The following GUCD1 variants were observed in gnomAD, a reference collection of about 807,000 sequenced individuals.
GUCD1 encodes guanylyl cyclase domain containing 1.
GUCD1 carries 17 observed loss-of-function variants against 28.3 expected under a neutral mutation model. That is an observed-to-expected ratio of 0.60 (90% CI 0.41 to 0.90). The LOEUF is 0.90. GUCD1 is among the 40% of genes least tolerant of loss of function. The pLI is 0.00. For synonymous variants in GUCD1, 129 were observed against 123.3 expected, an observed-to-expected ratio of 1.05 and a Z score of -0.30; for missense variants, 279 against 305.5, an observed-to-expected ratio of 0.91 and a Z score of 0.65.
intron 2 of GUCD1, among the ~76,000 whole-genome samples, chr22:24,548,528 G>C (rs772911130): frequency 2.0e-5 from 3 of 152,236 alleles, no homozygotes; most frequent in Non-Finnish European, 4.4e-5. Context: ...GACGGCTACA[G>C]TCCCTCTTGG....
chr22:24,543,156 A>C (rs1356670865), intron 5 of GUCD1, 59 bp from the exon 6 acceptor site: 1 of 1,207,166 alleles, frequency 8.3e-7, no homozygotes, highest in Non-Finnish European at 1.2e-6. Flanking sequence ...CACCTACACC[A>C]CCGACACAGT....
At chr22:24,543,795 C>T (rs2044653264) in intron 5 of GUCD1, 47 bp downstream of exon 5, 3 of 1,599,834 alleles carry the variant, frequency 1.9e-6, no homozygotes, top group African/African-American at 1.3e-5. Context: ...GCATACAGAA[C>T]AGTGAATGTG....
chr22:24,542,923 C>T lies in GUCD1; in HGVS notation c.*83G>A, dbSNP rs2044627754. Reference sequence around the variant, plus strand: ...TTCCACATTCCAACCCCAGCAGCCCCAAGCCTGGGCCAGGGCATCCTGAGC... The same window carrying T: ...TTCCACATTCCAACCCCAGCAGCCCTAAGCCTGGGCCAGGGCATCCTGAGC... On this transcript the variant is annotated 3_prime_UTR_variant, in exon 6 of 6. Transcript: ENST00000435822. 4 of 991,414 alleles carry T rather than the reference C, an allele frequency of 4.0e-6. No homozygotes were observed. The highest frequency in any genetic ancestry group is 3.2e-5 in the African/African-American group (2 of 62,878). 61.4% of individuals were successfully genotyped at this position (991,414 alleles called of 1,614,324 possible).
chr22:24,548,794 GC>G (rs1420814432), intron 2 of GUCD1, 122 bp downstream of exon 2: 4 of 691,416 alleles, frequency 5.8e-6, no homozygotes, highest in African/African-American at 1.8e-5. Context: ...TAGAAGCTTG[GC>G]CTCCTGCAAG....
In GUCD1 at chr22:24,547,948, C is replaced by T. The variant is rs1446107657; in HGVS notation, c.254G>A (p.Cys85Tyr). The part of the protein sequence containing the change: ...MHHFGVRHRF[C>Y]TQTLGVDKGY... ...CTTGTCGACACCCAGGGTCTGGGTA[C>T]AGAAGCGGTGCCTCACGCCAAAGTG... Residue 85 changes from cysteine (C) to tyrosine (Y), a missense_variant, in exon 3 of 6, where the codon TGT becomes TAT. Transcript: ENST00000435822. 2 of 1,614,202 alleles carry T rather than the reference C, an allele frequency of 1.2e-6. No individual in the cohort carries two copies. Among genetic ancestry groups the T allele is most frequent in the Non-Finnish European group, 8.5e-7 (1 of 1,180,028 alleles).
chr22:24,555,583 A>C, upstream of GUCD1: 1 of 1,547,180 alleles, frequency 6.5e-7, no homozygotes, highest in South Asian at 1.2e-5. Flanking sequence ...TATCCGTACC[A>C]GATACCTAGC....
chr22:24,547,838 C>T (rs1294225703), intron 3 of GUCD1, 70 bp downstream of exon 3: 9 of 1,535,292 alleles, frequency 5.9e-6, no homozygotes, highest in Non-Finnish European at 8.0e-6. Context: ...CCTCTTCCAA[C>T]TACTGGAACC....
chr22:24,546,162 C>T (rs1209508737), intron 4 of GUCD1, among the ~76,000 whole-genome samples: 1 of 148,616 alleles, frequency 6.7e-6, no homozygotes, highest in East Asian at 2.1e-4. Context: ...AAGGTTTCAC[C>T]GTGTTAGCCA....
rs1449446583 is a variant in GUCD1, at chr22:24,542,275, T to C, written c.*731A>G. On this transcript the variant is annotated 3_prime_UTR_variant, in exon 6 of 6. Transcript: ENST00000435822. ...GGGCAGCTGTTTATTCCCAGAGCAC[T>C]GCTGCCAGCCACGAGGCCTACCAGT... The C allele has an allele frequency of 6.6e-6, 1 of 152,274 alleles. No individual in the cohort carries two copies. Among genetic ancestry groups the C allele is most frequent in the African/African-American group, 2.4e-5 (1 of 41,464 alleles). The allele number at this position is 152,274 out of a possible 1,614,324, so 9.4% of individuals were successfully genotyped here. A position where few individuals can be genotyped will look rare whatever the true frequency, so the allele number is the denominator to read the frequency against.
intron 1 of GUCD1, 82 bp downstream of exon 1, chr22:24,554,867 G>T: frequency 8.7e-7 from 1 of 1,145,388 alleles, no homozygotes; most frequent in Non-Finnish European, 1.3e-6. Context: ...GCCCAAGGTC[G>T]CGCGACTGGA....
intron 4 of GUCD1, 53 bp from the exon 5 acceptor site, chr22:24,544,136 C>T (rs749751417): frequency 1.6e-5 from 25 of 1,580,238 alleles, no homozygotes; most frequent in Non-Finnish European, 2.0e-5. Context: ...TTCCCCATCC[C>T]TCAAATGGAT....
chr22:24,543,128 C>T (rs1330372279), intron 5 of GUCD1, 31 bp from the exon 6 acceptor site: 6 of 1,552,850 alleles, frequency 3.9e-6, no homozygotes, highest in South Asian at 1.1e-5. Flanking sequence ...AGAACGGGGT[C>T]AGTGGGTTGT....
upstream of GUCD1, chr22:24,555,734 G>A: frequency 1.3e-6 from 2 of 1,550,658 alleles, no homozygotes; most frequent in Non-Finnish European, 8.7e-7. Context: ...CGTCCAGCCT[G>A]TCCTTGGTGT....
chr22:24,555,696 G>A (rs2045043593), upstream of GUCD1: 1 of 1,550,656 alleles, frequency 6.4e-7, no homozygotes, highest in Non-Finnish European at 8.7e-7. Context: ...CCCGGTCTGA[G>A]GGCCCAAGCC....
chr22:24,555,512 T>A, upstream of GUCD1: 2 of 1,358,240 alleles, frequency 1.5e-6, no homozygotes, highest in Non-Finnish European at 2.0e-6. Flanking sequence ...CAAGCAACTC[T>A]CCTCCAACTG....
In GUCD1 at chr22:24,555,136, G is replaced by GCTGGGCCGCCCCAAGCGCCGC. The variant is rs1249198349; in HGVS notation, c.-146_-145insGCGGCGCTTGGGGCGGCCCAG. On this transcript the variant is annotated 5_prime_UTR_variant, in exon 1 of 6. Coordinates refer to ENST00000435822, the MANE Select transcript of GUCD1 (RefSeq NM_001284254.2). ...GCGGAGGAGAGAACGGGAGGCGGCGGCTGGGCCGCCCCAAGCGCCGCCCCA... is the reference window on the plus strand; with the variant it reads ...GCGGAGGAGAGAACGGGAGGCGGCGGCTGGGCCGCCCCAAGCGCCGCCTGGGCCGCCCCAAGCGCCGCCCCA... 2 of 1,302,728 alleles carry GCTGGGCCGCCCCAAGCGCCGC rather than the reference G, an allele frequency of 1.5e-6. No individual in the cohort carries two copies. The highest frequency in any genetic ancestry group is 3.1e-5 in the African/African-American group (2 of 64,288). The allele number at this position is 1,302,728 out of a possible 1,614,324, so 80.7% of individuals were successfully genotyped here.
At chr22:24,549,341 T>G (rs1230138593) in intron 1 of GUCD1, among the ~76,000 whole-genome samples, 1 of 152,068 alleles carries the variant, frequency 6.6e-6, no homozygotes, top group East Asian at 1.9e-4. Flanking sequence ...GCACACCTGG[T>G]TCCTCTGCCT....
intron 1 of GUCD1, among the ~76,000 whole-genome samples, chr22:24,551,681 A>T (rs571174478): frequency 6.9e-6 from 1 of 144,644 alleles, no homozygotes; most frequent in South Asian, 2.2e-4. Flanking sequence ...TTTTCTGACT[A>T]AGCCTTTGAG....
intron 1 of GUCD1, among the ~76,000 whole-genome samples, chr22:24,553,654 A>G (rs768342990): frequency 7.2e-5 from 11 of 152,140 alleles, no homozygotes; most frequent in Non-Finnish European, 1.3e-4. Flanking sequence ...TAGCTGGGCT[A>G]TCTTCTGCCA....
Sources: allele counts gnomAD v4.1 joint callset (sites outside exome capture counted in the v4.1 genomes callset), GRCh38; gene constraint gnomAD v4.1.1; transcripts MANE v1.5; gene names NCBI Gene and HGNC (gene_info 2026-07-23, HGNC 2026-07-21).